Variants in DNASE1 observed in about 807,000 individuals in gnomAD.
DNASE1 encodes deoxyribonuclease-1.
DNASE1 carries 40 observed loss-of-function variants against 33.9 expected under a neutral mutation model. The observed-to-expected ratio is 1.18, with a 90% CI of 0.92 to 1.54. The LOEUF (loss-of-function observed/expected upper bound fraction) is 1.54. DNASE1 is among the 40% of genes most tolerant of loss of function. The pLI, the probability that DNASE1 is intolerant of heterozygous loss-of-function variation, is 0.00. For synonymous variants in DNASE1, 216 were observed against 160.0 expected (o/e 1.35, Z -2.64); for missense variants, 518 against 372.6 (o/e 1.39, Z -3.21).
Position 3,657,760 on chromosome 16 carries a change from C to T in DNASE1, c.745C>T (p.Pro249Ser). The part of the protein sequence containing the change: ...AGMLLRGAVV[P>S]DSALPFNFQA... ...GATGCTGCTCCGAGGCGCCGTTGTT[C>T]CCGACTCGGCTCTTCCCTTTAACTT... The change falls in exon 8 of 9, where the codon CCC (proline) becomes TCC (serine). Residue 249 changes from proline to serine, a missense_variant. Transcript: ENST00000246949. The T allele has an allele frequency of 1.9e-6, 3 of 1,614,060 alleles. No homozygotes were observed. The highest frequency in any genetic ancestry group is 2.2e-5 in the East Asian group (1 of 44,874).
intron 1 of DNASE1, among the ~76,000 whole-genome samples, chr16:3,626,493 T>C (rs2041515047): frequency 6.6e-6 from 1 of 152,246 alleles, no homozygotes; most frequent in African/African-American, 2.4e-5. Flanking sequence ...TCAGAGATCA[T>C]ACTTTATATG....
At chr16:3,644,427 G>A (rs947858259) in intron 1 of DNASE1, among the ~76,000 whole-genome samples, 1 of 152,104 alleles carries the variant, frequency 6.6e-6, no homozygotes, top group Non-Finnish European at 1.5e-5. Flanking sequence ...GCCAGGTGTG[G>A]TGGCGGGTAC....
chr16:3,662,501 T>C (rs1034818938), downstream of DNASE1: 21 of 521,040 alleles, frequency 4.0e-5, no homozygotes, highest in Non-Finnish European at 1.1e-5. Flanking sequence ...GGGGGGAGTC[T>C]TAGCTCTCTG....
At chr16:3,665,330 C>A (rs957632522) in exon 10 of DNASE1, 2 of 152,368 alleles carry the variant, frequency 1.3e-5, no homozygotes, top group African/African-American at 4.8e-5. Context: ...ATGAAATGTT[C>A]TGGGGTTACA....
rs1322977445 is a variant in DNASE1 at position 3,647,244 on chromosome 16, G to C, written c.-86+4208G>C. Among the ~76,000 whole-genome samples, 4 of 148,786 alleles carry C rather than the reference G, an allele frequency of 2.7e-5. No individual in the cohort carries two copies. The East Asian group carries it at 5.9e-4, about 22-fold the overall frequency. On this transcript the variant is annotated intron_variant, in intron 1 of 9. Coordinates refer to the DNASE1 transcript ENST00000407479. ...TTAAAAGCTTTTGATTTGTAGAATT[G>C]TAAGAACTAATCATGGGATTTTTTT...
intron 5 of DNASE1, 26 bp from the exon 6 acceptor site, chr16:3,656,973 C>G: frequency 6.2e-7 from 1 of 1,610,188 alleles, no homozygotes; most frequent in Non-Finnish European, 8.5e-7. Context: ...GGGAGTGTGC[C>G]TCACACGACG....
chr16:3,646,120 G>A (rs2042165767), intron 1 of DNASE1, among the ~76,000 whole-genome samples: 2 of 152,176 alleles, frequency 1.3e-5, no homozygotes, highest in African/African-American at 4.8e-5. Context: ...AACCCTGGGA[G>A]CTTCCTGTCA....
chr16:3,641,724 G>A (rs2042028131), upstream of DNASE1, among the ~76,000 whole-genome samples: 1 of 152,190 alleles, frequency 6.6e-6, no homozygotes, highest in African/African-American at 2.4e-5. Flanking sequence ...GGGGCAGTGG[G>A]AGAAGTCCCC....
At chr16:3,653,840 A>AAC (rs1596638888), upstream of DNASE1, 1 of 125,004 alleles carries the variant, frequency 8.0e-6, no homozygotes, top group Admixed American at 8.7e-5. Context: ...AAAAAAAAAA[A>AAC]ACTGAGCATG....
chr16:3,655,225 G>T, intron 1 of DNASE1, 148 bp from the exon 2 acceptor site: 1 of 1,143,996 alleles, frequency 8.7e-7, no homozygotes, highest in Non-Finnish European at 1.2e-6. Context: ...TTGGCTTTCT[G>T]GACGTTGTAG....
At chr16:3,637,406 C>G (rs2041902340) in intron 1 of DNASE1, among the ~76,000 whole-genome samples, 1 of 152,208 alleles carries the variant, frequency 6.6e-6, no homozygotes, top group Admixed American at 6.5e-5. Context: ...AGTCCTGTGA[C>G]TAGGTCTCAG....
chr16:3,657,819 A>G lies in DNASE1; in HGVS notation c.801+3A>G, dbSNP rs1462020213. On this transcript the variant is annotated splice_donor_region_variant and intron_variant, in intron 8 of 8. Transcript: ENST00000246949. Reference sequence around the variant, plus strand: ...CCTATGGCCTGAGTGACCAACTGGTATGTGTCCTCCCTTGCACAGCCACAT... The same window carrying G: ...CCTATGGCCTGAGTGACCAACTGGTGTGTGTCCTCCCTTGCACAGCCACAT... The G allele has an allele frequency of 6.2e-7, 1 of 1,613,880 alleles. No individual in the cohort carries two copies. Among genetic ancestry groups the G allele is most frequent in the Admixed American group, 1.7e-5 (1 of 60,020 alleles).
intron 1 of DNASE1, among the ~76,000 whole-genome samples, chr16:3,616,285 G>A (rs910151837): frequency 2.0e-5 from 3 of 152,116 alleles, no homozygotes; most frequent in Non-Finnish European, 2.9e-5. Flanking sequence ...TCCCAACAAC[G>A]TTTTAATTTT....
In DNASE1 at chr16:3,657,779, T is replaced by TTAAC; in HGVS notation, c.766_769dup (p.Phe257Ter). 1.2e-6 allele frequency: 2 copies of TTAAC among 1,614,036 alleles called. No individual in the cohort carries two copies. Among genetic ancestry groups the TTAAC allele is most frequent in the Non-Finnish European group, 1.7e-6 (2 of 1,180,000 alleles). On this transcript the variant is annotated frameshift_variant, in exon 8 of 9. Coordinates refer to ENST00000246949, the MANE Select transcript of DNASE1 (RefSeq NM_005223.4). LOFTEE classifies it low-confidence loss of function (END_TRUNC). Reference sequence around the variant, plus strand: ...GTTGTTCCCGACTCGGCTCTTCCCTTTAACTTCCAGGCTGCCTATGGCCTG... The same window carrying TTAAC: ...GTTGTTCCCGACTCGGCTCTTCCCTTTAACTAACTTCCAGGCTGCCTATGGCCTG...
At chr16:3,661,863 A>G, downstream of DNASE1, 1 of 1,279,200 alleles carries the variant, frequency 7.8e-7, no homozygotes, top group Non-Finnish European at 1.0e-6. Context: ...AGCTCCTTAT[A>G]GTTACCCACA....
At chr16:3,663,124 G>C (rs776075900) in exon 10 of DNASE1, 12 of 681,742 alleles carry the variant, frequency 1.8e-5, no homozygotes, top group Non-Finnish European at 2.9e-5. Flanking sequence ...AAACCTCAAA[G>C]GATGCTTCAG....
chr16:3,655,139 G>A, intron 1 of DNASE1, 95 bp downstream of exon 1: 2 of 609,176 alleles, frequency 3.3e-6, no homozygotes, highest in South Asian at 4.0e-5. Context: ...TGAGGCGGAG[G>A]CTCCAGCGTC....
At chr16:3,613,614 T>G (rs755016591) in intron 1 of DNASE1, among the ~76,000 whole-genome samples, 1 of 152,328 alleles carries the variant, frequency 6.6e-6, no homozygotes, top group South Asian at 2.1e-4. Context: ...TCCAACTGGA[T>G]AAAGAAGACA....
chr16:3,656,863 G>T, intron 5 of DNASE1, 110 bp downstream of exon 5: 1 of 1,543,234 alleles, frequency 6.5e-7, no homozygotes, highest in Non-Finnish European at 8.7e-7. Context: ...AGTCCCTGGG[G>T]CTTGGGTTTT....
Sources: allele counts gnomAD v4.1 joint callset (sites outside exome capture counted in the v4.1 genomes callset), GRCh38; gene constraint gnomAD v4.1.1; transcripts MANE v1.5; gene names NCBI Gene and HGNC (gene_info 2026-07-23, HGNC 2026-07-21).